Variants in CRACD observed in about 807,000 individuals in gnomAD.
CRACD encodes capping protein-inhibiting regulator of actin dynamics.
In CRACD, 56 loss-of-function variants were observed where a neutral mutation model predicts 106.8. That is an observed-to-expected ratio of 0.52 (90% CI 0.42 to 0.66). The LOEUF is 0.66. Ranked by LOEUF, CRACD falls within the 30% of genes least tolerant of loss-of-function variation. The probability of loss-of-function intolerance (pLI) is 0.00; values close to 1 mark genes in which losing one functional copy is unlikely to be tolerated. For synonymous variants in CRACD, 754 were observed against 670.8 expected (o/e 1.12, Z -1.92); for missense variants, 1,730 against 1,623.2 (o/e 1.07, Z -1.13).
chr4:56,286,457 C>T (rs369986706), intron 3 of CRACD, among the ~76,000 whole-genome samples: 24 of 137,162 alleles, frequency 1.7e-4, no homozygotes, highest in East Asian at 6.6e-4. Flanking sequence ...ACCCGGGAGG[C>T]AGAGCTTACA....
intron 1 of CRACD, among the ~76,000 whole-genome samples, chr4:56,084,441 A>G (rs1733145300): frequency 6.6e-6 from 1 of 152,226 alleles, no homozygotes; most frequent in Non-Finnish European, 1.5e-5. Flanking sequence ...AAAAAAAACT[A>G]AACTAGTTTC....
intron 3 of CRACD, among the ~76,000 whole-genome samples, chr4:56,289,125 G>A (rs1192813784): frequency 2.6e-5 from 4 of 152,184 alleles, no homozygotes; most frequent in Non-Finnish European, 5.9e-5. Context: ...GGAGAGGGGA[G>A]AATGGGGAGT....
At position 56,298,703 on chromosome 4, in the gene CRACD, C is replaced by T. The variant is rs575456756; in HGVS notation, c.120+354C>T. Among the ~76,000 whole-genome samples the T allele has an allele frequency of 2.2e-4, 34 of 152,108 alleles. No individual in the cohort carries two copies. In the South Asian group the frequency reaches 6.4e-3, roughly 29 times the overall value. ...ATCCCAGCACTTTGGGAGGCCGAGG[C>T]GGGTGGATCACTTGAGGCCAGGAAT... is the stretch of plus-strand genomic sequence containing the variant. On this transcript the variant is annotated intron_variant, in intron 4 of 10. Transcript: ENST00000682029.
chr4:56,327,669 A>G lies in CRACD; in HGVS notation c.3567A>G (p.Pro1189=). The change falls in exon 11 of 11, where the codon CCA becomes CCG. Residue 1189 remains proline (P), a synonymous_variant. Coordinates refer to ENST00000682029, the MANE Select transcript of CRACD (RefSeq NM_001393381.1). ...TGGAGATCTCCGACTCGGCTCCCCC[A>G]GCGCCGCTGGTAAAAGAAGTCACCA... The part of the protein sequence containing the change: ...VTVEISDSAP[P]APLVKEVTKR... The G allele has an allele frequency of 6.2e-7, 1 of 1,613,636 alleles. No individual in the cohort carries two copies. Among genetic ancestry groups the G allele is most frequent in the Non-Finnish European group, 8.5e-7 (1 of 1,179,822 alleles).
rs1201100216 is a variant in CRACD, at chr4:56,314,449, CGGA to C, written c.955_957del (p.Glu319del). ...CGTGAGGAGCGCGAGCGCCTGGAGG[CGGA>C]GGAGGAGCGAAGGCGTCTGCAGGCC... On this transcript the variant is annotated inframe_deletion, in exon 8 of 11. Transcript: ENST00000682029. This position sits in a 1 kb window ranked among gnomAD's most constrained non-coding sequence, Gnocchi z 4.4. 2.0e-6 allele frequency: 3 copies of C among 1,508,032 alleles called. No individual in the cohort carries two copies. The highest frequency in any genetic ancestry group is 2.4e-5 in the South Asian group (2 of 82,134). The allele number at this position is 1,508,032 out of a possible 1,614,324, so 93.4% of individuals were successfully genotyped here.
chr4:56,091,290 C>T (rs191879402), intron 1 of CRACD, among the ~76,000 whole-genome samples: 7 of 152,038 alleles, frequency 4.6e-5, no homozygotes, highest in Admixed American at 2.0e-4. Context: ...TTAAGTGATC[C>T]TCCCATTTCA....
intron 1 of CRACD, among the ~76,000 whole-genome samples, chr4:56,124,525 A>C (rs1052633255): frequency 2.0e-5 from 3 of 152,164 alleles, no homozygotes; most frequent in African/African-American, 7.2e-5. Flanking sequence ...CTTAATATCT[A>C]ATATCTAGTC....
intron 1 of CRACD, among the ~76,000 whole-genome samples, chr4:56,050,864 C>A (rs1476121214): frequency 6.6e-6 from 1 of 152,170 alleles, no homozygotes. Context: ...GAGAAACTTT[C>A]ACTCTAAAGA....
At chr4:56,214,829 A>G (rs1738599261) in intron 2 of CRACD, among the ~76,000 whole-genome samples, 5 of 151,468 alleles carry the variant, frequency 3.3e-5, no homozygotes, top group African/African-American at 1.2e-4. Context: ...TGGCCAACAT[A>G]GTGAAACTCC....
chr4:56,089,375 T>A (rs1733339489), intron 1 of CRACD, among the ~76,000 whole-genome samples: 1 of 152,238 alleles, frequency 6.6e-6, no homozygotes, highest in Non-Finnish European at 1.5e-5. Flanking sequence ...TTTGTTTTTC[T>A]GAGCCCTATC....
Position 56,315,948 on chromosome 4 carries a change from T to C in CRACD, c.2446T>C (p.Phe816Leu). 1 of 1,613,912 alleles carries C rather than the reference T, an allele frequency of 6.2e-7. No homozygotes were observed. Among genetic ancestry groups the C allele is most frequent in the South Asian group, 1.1e-5 (1 of 91,068 alleles). The change falls in exon 8 of 11, where the codon TTC (phenylalanine) becomes CTC (leucine). Residue 816 changes from phenylalanine (F) to leucine (L), a missense_variant. Transcript: ENST00000682029. This position sits in a 1 kb window ranked among gnomAD's most constrained non-coding sequence, Gnocchi z 4.1. ...PPQKVVAHTE[F>L]TTSSDSETAN... ...GCAGAAAGTGGTGGCCCACACAGAG[T>C]TCACGACCTCGTCGGACAGCGAGAC...
intron 2 of CRACD, among the ~76,000 whole-genome samples, chr4:56,189,195 A>C (rs1381607321): frequency 1.3e-5 from 2 of 151,902 alleles, no homozygotes; most frequent in East Asian, 1.9e-4. Context: ...AAAAAAAAAA[A>C]ACCAAAAACC....
At chr4:56,303,333 G>A (rs75900501) in intron 4 of CRACD, among the ~76,000 whole-genome samples, 22,782 of 150,130 alleles carry the variant, frequency 0.15, 2,101 homozygotes, top group East Asian at 0.48. Context: ...GTGACAGAGC[G>A]AGACTCCTTT....
At chr4:56,266,455 C>T in intron 2 of CRACD, among the ~76,000 whole-genome samples, 1 of 152,162 alleles carries the variant, frequency 6.6e-6, no homozygotes, top group East Asian at 1.9e-4. Context: ...TCCCCTTCTT[C>T]CCACTGCCCA....
chr4:56,277,302 G>A (rs1237308621), intron 3 of CRACD, among the ~76,000 whole-genome samples: 1 of 151,922 alleles, frequency 6.6e-6, no homozygotes, highest in Non-Finnish European at 1.5e-5. Flanking sequence ...TGACCAAATG[G>A]GATTTATCCC....
chr4:56,282,628 C>G (rs1356881656), intron 3 of CRACD, among the ~76,000 whole-genome samples: 1 of 152,186 alleles, frequency 6.6e-6, no homozygotes, highest in Non-Finnish European at 1.5e-5. Context: ...TCACCAGGAT[C>G]CAATCTGAGT....
Position 56,272,386 on chromosome 4 carries a change from C to T in CRACD, c.-123C>T, listed in dbSNP as rs1742408558. 6.5e-6 allele frequency: 1 copy of T among 152,702 alleles called. No homozygotes were observed. The highest frequency in any genetic ancestry group is 6.5e-5 in the Admixed American group (1 of 15,276). 9.5% of individuals were successfully genotyped at this position (152,702 alleles called of 1,614,324 possible). A position where few individuals can be genotyped will look rare whatever the true frequency, so the allele number is the denominator to read the frequency against. On this transcript the variant is annotated 5_prime_UTR_variant, in exon 3 of 11. Coordinates refer to ENST00000682029, the MANE Select transcript of CRACD (RefSeq NM_001393381.1). ...GTTTGGCAAAAGGAAAAAGAAAGAC[C>T]CTTCGTTGTTCCGGGTGCCGTCGTT...
At chr4:56,126,782 C>G (rs1004172777) in intron 1 of CRACD, among the ~76,000 whole-genome samples, 6 of 152,026 alleles carry the variant, frequency 3.9e-5, no homozygotes, top group African/African-American at 1.2e-4. Flanking sequence ...TATTATGATC[C>G]CACTTGTGTT....
intron 2 of CRACD, among the ~76,000 whole-genome samples, chr4:56,256,515 T>G (rs1052534214): frequency 6.6e-6 from 1 of 152,202 alleles, no homozygotes; most frequent in Admixed American, 6.5e-5. Flanking sequence ...TAATAGAAAC[T>G]GAATGCTTAA....
Sources: gnomAD v4.1 joint callset for allele counts (sites outside exome capture counted in the v4.1 genomes callset) on GRCh38, gnomAD v4.1.1 for gene constraint, Gnocchi (gnomAD v3.1) non-coding constraint, MANE v1.5 for transcripts, NCBI Gene and HGNC (gene_info 2026-07-23, HGNC 2026-07-21) for gene names.